The following B3GALT1 variants were observed in gnomAD, a reference collection of about 807,000 sequenced individuals.
The protein encoded by B3GALT1 is UDP-Gal:betaGlcNAc beta 1,3-galactosyltransferase, polypeptide 1.
A neutral mutation model predicts 23.2 loss-of-function variants in B3GALT1; 10 were observed. The observed-to-expected ratio is 0.43, with a 90% CI of 0.27 to 0.73. The LOEUF is 0.73. Among genes scored for constraint, B3GALT1 ranks in the 30% least tolerant of loss-of-function variants. B3GALT1 has a pLI of 0.21. For synonymous variants in B3GALT1, 156 were observed against 141.5 expected, an observed-to-expected ratio of 1.10 and a Z score of -0.73; for missense variants, 299 against 405.4, an observed-to-expected ratio of 0.74 and a Z score of 2.25.
intron 3 of B3GALT1, chr2:167,714,071 G>A: frequency 3.9e-6 from 6 of 1,535,108 alleles, no homozygotes; most frequent in Non-Finnish European, 5.4e-6. Flanking sequence ...ATCATCTTTG[G>A]CATCATTTCT....
At chr2:167,828,719 G>T (rs1367624224) in intron 4 of B3GALT1, among the ~76,000 whole-genome samples, 1 of 152,174 alleles carries the variant, frequency 6.6e-6, no homozygotes, top group Non-Finnish European at 1.5e-5. Context: ...TGTGCCATGA[G>T]CTTTGCATAT....
intron 1 of B3GALT1, among the ~76,000 whole-genome samples, chr2:167,356,589 T>G (rs1331211088): frequency 6.6e-6 from 1 of 152,142 alleles, no homozygotes; most frequent in Non-Finnish European, 1.5e-5. Context: ...TAAAGCTAGC[T>G]GCAAATCCTT....
intron 1 of B3GALT1, among the ~76,000 whole-genome samples, chr2:167,443,465 C>G (rs1033579347): frequency 6.6e-6 from 1 of 152,180 alleles, no homozygotes; most frequent in Admixed American, 6.5e-5. Flanking sequence ...TTACCTTGGG[C>G]AGTATGGCCA....
At chr2:167,714,926 T>A in intron 3 of B3GALT1, 1 of 1,611,598 alleles carries the variant, frequency 6.2e-7, no homozygotes, top group Non-Finnish European at 8.5e-7. Flanking sequence ...TTTAAGTTTC[T>A]GTTGAAGCTT....
chr2:167,730,901 C>G (rs1687399981), intron 3 of B3GALT1, among the ~76,000 whole-genome samples: 1 of 152,120 alleles, frequency 6.6e-6, no homozygotes, highest in African/African-American at 2.4e-5. Flanking sequence ...GTGCCATACT[C>G]CATACGAATT....
At chr2:167,649,273 C>T (rs1685812931) in intron 3 of B3GALT1, among the ~76,000 whole-genome samples, 1 of 152,060 alleles carries the variant, frequency 6.6e-6, no homozygotes, top group African/African-American at 2.4e-5. Context: ...CACAGAATTT[C>T]CTTCTTCTCT....
chr2:167,713,007 A>G (rs371401866), intron 3 of B3GALT1, among the ~76,000 whole-genome samples: 2 of 152,220 alleles, frequency 1.3e-5, no homozygotes, highest in Middle Eastern at 3.2e-3. Flanking sequence ...TTAGATAACA[A>G]TGAGTCTTTG....
intron 2 of B3GALT1, among the ~76,000 whole-genome samples, chr2:167,619,142 C>G (rs1685214514): frequency 6.6e-6 from 1 of 151,766 alleles, no homozygotes; most frequent in Non-Finnish European, 1.5e-5. Flanking sequence ...TTTCTCTTCT[C>G]TCTCATTTAT....
intron 3 of B3GALT1, among the ~76,000 whole-genome samples, chr2:167,723,152 A>G (rs141052226): frequency 2.4e-4 from 37 of 152,332 alleles, no homozygotes; most frequent in African/African-American, 8.9e-4. Flanking sequence ...CATAGCAAAT[A>G]TAGTTTATAG....
rs1245394536 is a variant in B3GALT1 at position 167,803,380 on chromosome 2, AT to A, written c.-351-15289del. Among the ~76,000 whole-genome samples, 4 of 152,340 alleles carry A rather than the reference AT, an allele frequency of 2.6e-5. No homozygotes were observed. The East Asian group carries it at 7.7e-4, about 29-fold the overall frequency. On this transcript the variant is annotated intron_variant, in intron 3 of 4. Transcript: ENST00000392690. ...ATCTTGGATCTCAAATACTGTAATC[AT>A]TTATACATAAATTGATCATTACTTT...
intron 3 of B3GALT1, among the ~76,000 whole-genome samples, chr2:167,654,289 C>G (rs946500935): frequency 6.6e-6 from 1 of 152,142 alleles, no homozygotes; most frequent in African/African-American, 2.4e-5. Context: ...ATTAGTCTCT[C>G]ATCGGGTAGG....
intron 1 of B3GALT1, among the ~76,000 whole-genome samples, chr2:167,441,006 G>C (rs530952051): frequency 5.3e-4 from 81 of 152,216 alleles, no homozygotes; most frequent in Middle Eastern, 3.4e-3. Context: ...ATAAAGAATA[G>C]AGTCTAGATT....
chr2:167,369,458 T>C (rs1360751959), intron 1 of B3GALT1, among the ~76,000 whole-genome samples: 1 of 152,178 alleles, frequency 6.6e-6, no homozygotes, highest in Non-Finnish European at 1.5e-5. Flanking sequence ...AGTATAGATG[T>C]TTTATTTTGA....
chr2:167,663,007 G>C (rs554035539), intron 3 of B3GALT1, among the ~76,000 whole-genome samples: 13 of 151,572 alleles, frequency 8.6e-5, no homozygotes, highest in Non-Finnish European at 1.9e-4. Context: ...TGTGCACAAT[G>C]TGCAGGTTAG....
chr2:167,340,006 A>G (rs1697122005), intron 1 of B3GALT1, among the ~76,000 whole-genome samples: 1 of 152,134 alleles, frequency 6.6e-6, no homozygotes. Flanking sequence ...ATGCATGTAC[A>G]TTTTTCAACT....
intron 2 of B3GALT1, among the ~76,000 whole-genome samples, chr2:167,638,901 T>G (rs561177664): frequency 1.3e-5 from 2 of 152,164 alleles, no homozygotes; most frequent in African/African-American, 4.8e-5. Flanking sequence ...CTGTGTAAAC[T>G]TGGGCAAATT....
chr2:167,731,548 A>G (rs1412918725), intron 3 of B3GALT1, among the ~76,000 whole-genome samples: 1 of 152,202 alleles, frequency 6.6e-6, no homozygotes, highest in Non-Finnish European at 1.5e-5. Flanking sequence ...TTGCAACTGC[A>G]GCATCTTTTG....
At chr2:167,624,158 G>C (rs1442443301) in intron 2 of B3GALT1, among the ~76,000 whole-genome samples, 1 of 152,038 alleles carries the variant, frequency 6.6e-6, no homozygotes, top group African/African-American at 2.4e-5. Context: ...AAACCAAGAT[G>C]TTAAAAATGT....
intron 4 of B3GALT1, among the ~76,000 whole-genome samples, chr2:167,843,561 T>C (rs1044916823): frequency 3.9e-5 from 6 of 152,230 alleles, no homozygotes; most frequent in African/African-American, 9.6e-5. Context: ...ATAGAAGTGA[T>C]GTGTCTTTGT....
Sources: allele counts gnomAD v4.1 joint callset (sites outside exome capture counted in the v4.1 genomes callset), GRCh38; gene constraint gnomAD v4.1.1; transcripts MANE v1.5; gene names NCBI Gene and HGNC (gene_info 2026-07-23, HGNC 2026-07-21).